The following ZNF280B variants were observed in gnomAD, a reference collection of about 807,000 sequenced individuals.
ZNF280B encodes zinc finger protein 280B, also known as suppressor of hairy wing homolog 2.
ZNF280B carries 16 observed loss-of-function variants against 38.0 expected under a neutral mutation model. The observed-to-expected ratio is 0.42, with a 90% CI of 0.28 to 0.64. ZNF280B has a LOEUF of 0.64. Ranked by LOEUF, ZNF280B falls within the 30% of genes least tolerant of loss-of-function variation. ZNF280B has a pLI of 0.21. For synonymous variants in ZNF280B, 253 were observed against 230.6 expected (o/e 1.10, Z -0.88); for missense variants, 581 against 639.6 (o/e 0.91, Z 0.99).
intron 2 of ZNF280B, among the ~76,000 whole-genome samples, chr22:22,507,505 G>C (rs2061962444): frequency 6.6e-6 from 1 of 151,610 alleles, no homozygotes; most frequent in East Asian, 2.0e-4. Flanking sequence ...CTGAGAAAGA[G>C]GGTAGGATAA....
At position 22,488,193 on chromosome 22, in the gene ZNF280B, G is replaced by A. The variant is rs73156173; in HGVS notation, c.1206C>T (p.Pro402=). 6.2e-7 allele frequency: 1 copy of A among 1,613,874 alleles called. No homozygotes were observed. The highest frequency in any genetic ancestry group is 8.5e-7 in the Non-Finnish European group (1 of 1,179,976). Residue 402 remains proline, a synonymous_variant, in exon 4 of 4, where the codon CCC becomes CCT. Coordinates refer to ENST00000626650, the MANE Select transcript of ZNF280B (RefSeq NM_080764.4). ...TATAATGGCAAACCTGGCACACATA[G>A]GGCATTTCGCCAGGCTTATGATGGT... ...MKDHHKPGEM[P]YVCQVCHYRS...
chr22:22,500,412 T>C (rs2061793352), intron 2 of ZNF280B, among the ~76,000 whole-genome samples: 1 of 151,666 alleles, frequency 6.6e-6, no homozygotes, highest in Non-Finnish European at 1.5e-5. Flanking sequence ...TTATTCAACC[T>C]CAAAAAGGAA....
At chr22:22,489,578 G>C in intron 3 of ZNF280B, 112 bp from the exon 4 acceptor site, 2 of 560,344 alleles carry the variant, frequency 3.6e-6, no homozygotes, top group South Asian at 5.7e-5. Context: ...CACTGAGACT[G>C]AAAGAGGATA....
At position 22,489,366 on chromosome 22, in the gene ZNF280B, A is replaced by C; in HGVS notation, c.33T>G (p.Pro11=). The change falls in exon 4 of 4, where the codon CCT becomes CCG. Residue 11 remains proline (P), a synonymous_variant. Coordinates refer to ENST00000626650, the MANE Select transcript of ZNF280B (RefSeq NM_080764.4). Reference sequence around the variant, plus strand: ...TTTCTTGTATGTTCTTCTGTGGTTCAGGCTCTTTCTCTTCCTCACATGATT... The same window carrying C: ...TTTCTTGTATGTTCTTCTGTGGTTCCGGCTCTTTCTCTTCCTCACATGATT... The part of the protein sequence containing the change: MEQSCEEEKE[P]EPQKNIQETK... 1.2e-6 allele frequency: 2 copies of C among 1,607,310 alleles called. No homozygotes were observed. Among genetic ancestry groups the C allele is most frequent in the Non-Finnish European group, 1.7e-6 (2 of 1,177,808 alleles).
chr22:22,493,194 A>G (rs2061631546), intron 3 of ZNF280B, among the ~76,000 whole-genome samples: 4 of 151,738 alleles, frequency 2.6e-5, no homozygotes, highest in Non-Finnish European at 2.9e-5. Context: ...TTTTTAGTAG[A>G]GACGGGGTTT....
At chr22:22,496,230 G>A (rs571822455) in intron 2 of ZNF280B, among the ~76,000 whole-genome samples, 1 of 150,912 alleles carries the variant, frequency 6.6e-6, no homozygotes, top group African/African-American at 2.4e-5. Flanking sequence ...CTGAGCAGCT[G>A]GGACTATAGG....
intron 2 of ZNF280B, among the ~76,000 whole-genome samples, chr22:22,503,361 G>A (rs1011304756): frequency 1.3e-5 from 2 of 151,892 alleles, no homozygotes; most frequent in Non-Finnish European, 2.9e-5. Context: ...ATTTCACACC[G>A]CAAAGGGTGA....
rs1393343260 is a variant in ZNF280B, at chr22:22,486,124, A to G, written c.*1643T>C. ...GGTGTGTGTCAGGTAAGACCCAAACAGCATTAGTGTCAAAAAACTGGGAAA... is the reference window on the plus strand; with the variant it reads ...GGTGTGTGTCAGGTAAGACCCAAACGGCATTAGTGTCAAAAAACTGGGAAA... On this transcript the variant is annotated 3_prime_UTR_variant, in exon 4 of 4. Transcript: ENST00000626650. The G allele has an allele frequency of 3.9e-5, 6 of 152,050 alleles. No homozygotes were observed. The highest frequency in any genetic ancestry group is 3.9e-4 in the Admixed American group (6 of 15,250). The allele number at this position is 152,050 out of a possible 1,614,324, so 9.4% of individuals were successfully genotyped here.
intron 3 of ZNF280B, among the ~76,000 whole-genome samples, chr22:22,490,201 AC>A: frequency 6.6e-6 from 1 of 152,014 alleles, no homozygotes; most frequent in East Asian, 2.0e-4. Context: ...GTTCTGACTT[AC>A]CCACTGAACT....
chr22:22,488,590 T>G lies in ZNF280B; in HGVS notation c.809A>C (p.Gln270Pro), dbSNP rs1446739173. The G allele has an allele frequency of 1.9e-6, 3 of 1,613,910 alleles. No individual in the cohort carries two copies. The Admixed American group carries it at 5.0e-5, about 27-fold the overall frequency. Residue 270 changes from glutamine to proline, a missense_variant, in exon 4 of 4, where the codon CAA becomes CCA. Transcript: ENST00000626650. ...AKTDILSLTS[Q>P]NKTFDPKKEN... The stretch of plus-strand genomic sequence containing the variant: ...TTTCTTGGGATCAAAGGTCTTGTTT[T>G]GACTTGTTAGACTCAAAATGTCTGT...
chr22:22,488,094 G>C lies in ZNF280B; in HGVS notation c.1305C>G (p.Pro435=). The change falls in exon 4 of 4, where the codon CCC becomes CCG. Residue 435 remains proline (P), a synonymous_variant. Transcript: ENST00000626650. ...CHENTKNLLC[P]FCLKIFKTAT... is the part of the protein sequence containing the mutation. ...CTGTTTTGAAAATTTTGAGACAAAAGGGACAAAGCAAATTCTTTGTGTTTT... is the reference window on the plus strand; with the variant it reads ...CTGTTTTGAAAATTTTGAGACAAAACGGACAAAGCAAATTCTTTGTGTTTT... The C allele has an allele frequency of 6.2e-7, 1 of 1,613,912 alleles. No individual in the cohort carries two copies. Among genetic ancestry groups the C allele is most frequent in the Non-Finnish European group, 8.5e-7 (1 of 1,179,974 alleles).
intron 2 of ZNF280B, among the ~76,000 whole-genome samples, chr22:22,502,720 C>A (rs940402117): frequency 2.0e-5 from 3 of 151,970 alleles, no homozygotes; most frequent in African/African-American, 7.2e-5. Context: ...CAGAATAAGG[C>A]AAATTCATAC....
At chr22:22,497,380 A>C (rs2146811100) in intron 2 of ZNF280B, among the ~76,000 whole-genome samples, 1 of 151,590 alleles carries the variant, frequency 6.6e-6, no homozygotes, top group South Asian at 2.1e-4. Context: ...AAAACACAAA[A>C]ATTTGCCGGG....
chr22:22,497,208 TAAAAAAAAAAAAAAA>T (rs71199486), intron 2 of ZNF280B, among the ~76,000 whole-genome samples: 6,057 of 33,062 alleles, frequency 0.18, 360 homozygotes, highest in South Asian at 0.29. Context: ...TCTCCATCTT[TAAAAAAAAAAAAAAA>T]AAAAAAAAAA....
intron 2 of ZNF280B, among the ~76,000 whole-genome samples, chr22:22,497,766 G>C (rs1260974900): frequency 6.6e-6 from 1 of 151,874 alleles, no homozygotes; most frequent in Non-Finnish European, 1.5e-5. Flanking sequence ...TTCAGATCCT[G>C]GAAATTAACG....
intron 3 of ZNF280B, among the ~76,000 whole-genome samples, chr22:22,491,666 G>A (rs574142325): frequency 4.0e-5 from 6 of 151,678 alleles, no homozygotes; most frequent in African/African-American, 1.5e-4. Flanking sequence ...CACTGTGTTG[G>A]CCAGGCTGGT....
chr22:22,507,587 A>T (rs1347016865), intron 2 of ZNF280B, among the ~76,000 whole-genome samples: 2 of 151,558 alleles, frequency 1.3e-5, no homozygotes, highest in East Asian at 3.9e-4. Flanking sequence ...TGGTAAAAGA[A>T]TGCCACTACC....
rs2061519626 is a variant in ZNF280B, at chr22:22,487,617, T to C, written c.*150A>G. 6.5e-6 allele frequency: 4 copies of C among 612,306 alleles called. No individual in the cohort carries two copies. Among genetic ancestry groups the C allele is most frequent in the Non-Finnish European group, 2.7e-6 (1 of 371,932 alleles). 37.9% of individuals were successfully genotyped at this position (612,306 alleles called of 1,614,324 possible). A position where few individuals can be genotyped will look rare whatever the true frequency, so the allele number is the denominator to read the frequency against. ...ACCTCAAAATTCAGATCAAATAATA[T>C]ATATCCTGAATCTTGTTTAAAAAGT... is the stretch of plus-strand genomic sequence containing the variant. On this transcript the variant is annotated 3_prime_UTR_variant, in exon 4 of 4. Coordinates refer to ENST00000626650, the MANE Select transcript of ZNF280B (RefSeq NM_080764.4).
rs574614636 is a variant in ZNF280B, at chr22:22,489,404, A to G, written c.-6T>C. On this transcript the variant is annotated 5_prime_UTR_variant, in exon 4 of 4. Coordinates refer to ENST00000626650, the MANE Select transcript of ZNF280B (RefSeq NM_080764.4). ...TCCTCACATGATTGTTCCATTTTCT[A>G]ATTTTTTTATTCCTGAATGGTGGGG... 3 of 1,577,916 alleles carry G rather than the reference A, an allele frequency of 1.9e-6. No individual in the cohort carries two copies. Among genetic ancestry groups the G allele is most frequent in the Admixed American group, 3.9e-5 (2 of 51,590 alleles).
Sources: gnomAD v4.1 joint callset for allele counts (sites outside exome capture counted in the v4.1 genomes callset) on GRCh38, gnomAD v4.1.1 for gene constraint, MANE v1.5 for transcripts, NCBI Gene and HGNC (gene_info 2026-07-23, HGNC 2026-07-21) for gene names.